The following DPH1 variants were observed in gnomAD, a reference collection of about 807,000 sequenced individuals.
DPH1 encodes 2-(3-amino-3-carboxypropyl)histidine synthase subunit 1.
In DPH1, 59 loss-of-function variants were observed where a neutral mutation model predicts 55.3. The observed-to-expected ratio is 1.07, with a 90% confidence interval of 0.87 to 1.33. The LOEUF (loss-of-function observed/expected upper bound fraction) is 1.33. Ranked by LOEUF, DPH1 falls within the 40% of genes most tolerant of loss-of-function variation. DPH1 has a pLI of 0.00. For synonymous variants in DPH1, 238 were observed against 235.5 expected (o/e 1.01, Z -0.10); for missense variants, 628 against 584.8 (o/e 1.07, Z -0.76).
At chr17:2,034,511 T>G in intron 3 of DPH1, among the ~76,000 whole-genome samples, 1 of 28,964 alleles carries the variant, frequency 3.5e-5, no homozygotes, top group Non-Finnish European at 6.8e-5. Flanking sequence ...TTCTCCCCCA[T>G]CCCCCTCCCC....
intron 9 of DPH1, 200 bp from the exon 10 acceptor site, chr17:2,040,903 A>G (rs2067508789): frequency 1.5e-6 from 1 of 659,916 alleles, no homozygotes; most frequent in Admixed American, 2.5e-5. Context: ...CTGCCCTGGA[A>G]AGCTCATTGT....
At chr17:2,042,447 G>A (rs2067557040) in intron 12 of DPH1, 158 bp from the exon 13 acceptor site, 1 of 1,295,628 alleles carries the variant, frequency 7.7e-7, no homozygotes, top group Non-Finnish European at 1.0e-6. Flanking sequence ...CTCCTGTTCA[G>A]GCCAATCCAC....
At position 2,036,404 on chromosome 17, in the gene DPH1, T is replaced by C. The variant is rs1190931306; in HGVS notation, c.401-125T>C. The C allele has an allele frequency of 7.7e-7, 1 of 1,303,826 alleles. No individual in the cohort carries two copies. Among genetic ancestry groups the C allele is most frequent in the African/African-American group, 1.5e-5 (1 of 68,122 alleles). The allele number at this position is 1,303,826 out of a possible 1,614,324, so 80.8% of individuals were successfully genotyped here. A position where few individuals can be genotyped will look rare whatever the true frequency, so the allele number is the denominator to read the frequency against. ...TAGGGGATCTGTGACCCCCCTCTTC[T>C]CCTACCCTGTCCTTTTACCCCCAGG... is the stretch of plus-strand genomic sequence containing the variant. On this transcript the variant is annotated intron_variant, in intron 4 of 12. Coordinates refer to ENST00000263083, the MANE Select transcript of DPH1 (RefSeq NM_001383.6). The surrounding 1 kb of genome is among the most constrained non-coding windows in gnomAD (Gnocchi z 4.8).
Position 2,033,760 on chromosome 17 carries a change from G to A in DPH1, c.215-19G>A. Reference sequence around the variant, plus strand: ...CCCTTCCTAGCCCTCCACCTCTCATGTCTCTGCTCGTCTTGCAGTGGCCTT... The same window carrying A: ...CCCTTCCTAGCCCTCCACCTCTCATATCTCTGCTCGTCTTGCAGTGGCCTT... On this transcript the variant is annotated intron_variant, in intron 2 of 12. Coordinates refer to ENST00000263083, the MANE Select transcript of DPH1 (RefSeq NM_001383.6). 6.2e-7 allele frequency: 1 copy of A among 1,614,082 alleles called. No homozygotes were observed. Among genetic ancestry groups the A allele is most frequent in the Non-Finnish European group, 8.5e-7 (1 of 1,179,906 alleles).
Position 2,042,812 on chromosome 17 carries a change from T to G in DPH1, c.*226T>G. On this transcript the variant is annotated 3_prime_UTR_variant, in exon 13 of 13. Coordinates refer to ENST00000263083, the MANE Select transcript of DPH1 (RefSeq NM_001383.6). The stretch of plus-strand genomic sequence containing the variant: ...GCGCTAGCAGCCCTTGTGTGTGCCC[T>G]GGGCCAGGCAGGCGATCCCCGCTTC... 1.2e-6 allele frequency: 2 copies of G among 1,614,054 alleles called. No homozygotes were observed. Among genetic ancestry groups the G allele is most frequent in the South Asian group, 2.2e-5 (2 of 91,086 alleles).
At position 2,040,319 on chromosome 17, in the gene DPH1, C is replaced by A. The variant is rs1251903911; in HGVS notation, c.851C>A (p.Ser284Tyr). ...EAIATARSAK[S>Y]WGLILGTLGR... ...ATAGCCACTGCCCGCTCAGCTAAGT[C>A]CTGGGGCCTTATTCTGGGCACTTTG... Residue 284 changes from serine (S) to tyrosine (Y), a missense_variant, in exon 8 of 13, where the codon TCC becomes TAC. By Grantham distance (144) the Ser-to-Tyr change is moderately radical. Coordinates refer to ENST00000263083, the MANE Select transcript of DPH1 (RefSeq NM_001383.6). 6.2e-7 allele frequency: 1 copy of A among 1,614,096 alleles called. No homozygotes were observed. The highest frequency in any genetic ancestry group is 1.7e-5 in the Admixed American group (1 of 60,028).
chr17:2,033,021 T>C lies in DPH1; in HGVS notation c.62-484T>C, dbSNP rs545178086. 2.6e-4 allele frequency among the ~76,000 whole-genome samples: 40 copies of C among 152,322 alleles called. 1 individual carries two copies. Among genetic ancestry groups the C allele is most frequent in the African/African-American group, 9.4e-4 (39 of 41,584 alleles). The stretch of plus-strand genomic sequence containing the variant: ...TGCTGGGATTACAGGCGTGAGCCAC[T>C]GCGCCCGGCTGCAGAGGGTTTTTAA... On this transcript the variant is annotated intron_variant, in intron 1 of 12. Coordinates refer to ENST00000263083, the MANE Select transcript of DPH1 (RefSeq NM_001383.6).
chr17:2,041,324 C>T lies in DPH1; in HGVS notation c.1086+143C>T, dbSNP rs2067518684. Reference sequence around the variant, plus strand: ...TCGATTTCTCCAGCGGAGTCACTTCCTAGCTGTGTAGCCTTAGGCAAGGCC... The same window carrying T: ...TCGATTTCTCCAGCGGAGTCACTTCTTAGCTGTGTAGCCTTAGGCAAGGCC... On this transcript the variant is annotated intron_variant, in intron 10 of 12. Coordinates refer to ENST00000263083, the MANE Select transcript of DPH1 (RefSeq NM_001383.6). 11 of 1,453,880 alleles carry T rather than the reference C, an allele frequency of 7.6e-6. No individual in the cohort carries two copies. In the South Asian group the frequency reaches 1.1e-4, roughly 15 times the overall value. 90.1% of individuals were successfully genotyped at this position (1,453,880 alleles called of 1,614,324 possible).
Position 2,043,192 on chromosome 17 carries a change from G to GCTGT in DPH1, c.*607_*610dup, listed in dbSNP as rs1177588117. ...GCCCTCCCAGGACCCTCCACTCACT[G>GCTGT]CTGTGAGTGCGCCTCACCAGAACCA... On this transcript the variant is annotated 3_prime_UTR_variant, in exon 13 of 13. Transcript: ENST00000263083. 1.4e-6 allele frequency: 2 copies of GCTGT among 1,453,484 alleles called. No homozygotes were observed. Among genetic ancestry groups the GCTGT allele is most frequent in the African/African-American group, 2.8e-5 (2 of 70,942 alleles). 90.0% of individuals were successfully genotyped at this position (1,453,484 alleles called of 1,614,324 possible).
chr17:2,038,093 T>C (rs2067452785), intron 6 of DPH1, among the ~76,000 whole-genome samples: 1 of 143,462 alleles, frequency 7.0e-6, no homozygotes, highest in Admixed American at 7.5e-5. Context: ...GAGAATTGCA[T>C]ATGTCCAGGA....
Position 2,036,922 on chromosome 17 carries a change from T to TC in DPH1, c.652dup (p.Arg218ProfsTer35). On this transcript the variant is annotated frameshift_variant, in exon 6 of 13. Transcript: ENST00000263083. LOFTEE classifies it high-confidence loss of function. This position sits in a 1 kb window ranked among gnomAD's most constrained non-coding sequence, Gnocchi z 4.8. The stretch of plus-strand genomic sequence containing the variant: ...CCCTGGAGAGATCCTGGGCTGCACA[T>TC]CCCCCCGACTGTCCAAAGAGGTGGA... 1.2e-6 allele frequency: 2 copies of TC among 1,613,556 alleles called. No individual in the cohort carries two copies.
At chr17:2,039,896 G>C (rs1159522670) in intron 7 of DPH1, 73 bp downstream of exon 7, 1 of 1,600,808 alleles carries the variant, frequency 6.2e-7, no homozygotes, top group East Asian at 2.2e-5. Flanking sequence ...TCCTCAATTG[G>C]TTGCATCCCC....
intron 12 of DPH1, 191 bp downstream of exon 12, chr17:2,042,066 C>T (rs532074812): frequency 3.2e-6 from 5 of 1,552,708 alleles, no homozygotes; most frequent in Non-Finnish European, 3.5e-6. Flanking sequence ...GCAGCGACCC[C>T]TGCGGGTCCT....
intron 12 of DPH1, 55 bp downstream of exon 12, chr17:2,041,930 C>T: frequency 1.6e-5 from 25 of 1,533,904 alleles, no homozygotes; most frequent in Non-Finnish European, 2.2e-5. Flanking sequence ...ATGGGAACGC[C>T]TTGGCGCTCC....
chr17:2,040,091 CCT>C, intron 7 of DPH1, 125 bp from the exon 8 acceptor site: 35 of 1,354,368 alleles, frequency 2.6e-5, no homozygotes, highest in Non-Finnish European at 3.5e-5. Context: ...CCCGCTCTTG[CCT>C]CTGTTCTTAA....
At position 2,031,211 on chromosome 17, in the gene DPH1, A is replaced by G. The variant is rs560629101; in HGVS notation, c.61+981A>G. On this transcript the variant is annotated intron_variant, in intron 1 of 12. Coordinates refer to ENST00000263083, the MANE Select transcript of DPH1 (RefSeq NM_001383.6). ...TAAGGAGGATTGTGTGAGCCCAGGA[A>G]TTCCACACCAGTCTGGGAAACATAG... Among the ~76,000 whole-genome samples, 5 of 152,182 alleles carry G rather than the reference A, an allele frequency of 3.3e-5. No homozygotes were observed. The South Asian group carries it at 1.0e-3, about 32-fold the overall frequency.
chr17:2,038,176 A>G (rs1024637586), intron 6 of DPH1, among the ~76,000 whole-genome samples: 1 of 145,598 alleles, frequency 6.9e-6, no homozygotes, highest in Non-Finnish European at 1.5e-5. Flanking sequence ...AAAAAAAAGA[A>G]TTAGCTGGGT....
intron 3 of DPH1, 110 bp from the exon 4 acceptor site, chr17:2,035,860 G>T: frequency 6.7e-7 from 1 of 1,497,432 alleles, no homozygotes; most frequent in Non-Finnish European, 9.0e-7. Context: ...GAGGAACTGG[G>T]AGAGGTAGGG....
In DPH1 at chr17:2,033,639, C is replaced by A. The variant is rs2067361800; in HGVS notation, c.196C>A (p.Gln66Lys). 1 of 1,614,196 alleles carries A rather than the reference C, an allele frequency of 6.2e-7. No homozygotes were observed. Among genetic ancestry groups the A allele is most frequent in the East Asian group, 2.2e-5 (1 of 44,892 alleles). Residue 66 changes from glutamine (Q) to lysine (K), a missense_variant, in exon 2 of 13, where the codon CAA becomes AAA. Gln to Lys is a moderately conservative substitution (Grantham distance 53). Transcript: ENST00000263083. ...EIPKTIWRIQQAQAKKVALQM... is the reference protein window; with the variant it reads ...EIPKTIWRIQKAQAKKVALQM... The stretch of plus-strand genomic sequence containing the variant: ...CCCCAAGACCATCTGGAGGATCCAA[C>A]AAGCCCAGGCCAAGAAGGGTGAGCC...
Sources: allele counts gnomAD v4.1 joint callset (sites outside exome capture counted in the v4.1 genomes callset), GRCh38; gene constraint gnomAD v4.1.1; non-coding constraint Gnocchi (gnomAD v3.1); transcripts MANE v1.5; gene names NCBI Gene and HGNC (gene_info 2026-07-23, HGNC 2026-07-21).